Variants in GPM6A observed in about 807,000 individuals in gnomAD.
GPM6A encodes the protein glycoprotein M6A.
Under a neutral mutation model 32.1 loss-of-function variants are expected in GPM6A, and 7 were observed. That is an observed-to-expected ratio of 0.22 (90% CI 0.12 to 0.41). GPM6A has a LOEUF of 0.41. Among genes scored for constraint, GPM6A ranks in the 10% least tolerant of loss-of-function variants. The probability of loss-of-function intolerance (pLI) is 1.00; values close to 1 mark genes in which losing one functional copy is unlikely to be tolerated. For missense variants in GPM6A, 235 were observed against 347.2 expected (o/e 0.68, Z 2.57); for synonymous variants, 130 against 123.4 (o/e 1.05, Z -0.35).
chr4:175,946,744 G>C (rs1227035830), intron 1 of GPM6A, among the ~76,000 whole-genome samples: 1 of 152,200 alleles, frequency 6.6e-6, no homozygotes, highest in East Asian at 1.9e-4. Context: ...GAGGTGGGCA[G>C]AGGACAGACA....
intron 1 of GPM6A, among the ~76,000 whole-genome samples, chr4:175,772,059 T>G (rs1281423840): frequency 6.6e-6 from 1 of 152,188 alleles, no homozygotes; most frequent in African/African-American, 2.4e-5. Flanking sequence ...TCCTGCTCAG[T>G]GCGCATTTGC....
At chr4:176,001,444 A>C (rs1217287966) in intron 1 of GPM6A, among the ~76,000 whole-genome samples, 2 of 152,158 alleles carry the variant, frequency 1.3e-5, no homozygotes, top group Non-Finnish European at 2.9e-5. Context: ...TCGCTCTTCG[A>C]GGTGACTCGT....
At chr4:175,803,958 C>A in intron 1 of GPM6A, among the ~76,000 whole-genome samples, 1 of 148,170 alleles carries the variant, frequency 6.7e-6, no homozygotes. Context: ...ATTCTTTTCA[C>A]TGTAAAATGG....
chr4:175,767,893 A>T (rs1489889234), intron 1 of GPM6A, among the ~76,000 whole-genome samples: 3 of 152,212 alleles, frequency 2.0e-5, no homozygotes, highest in Admixed American at 6.5e-5. Context: ...TATATAGAAG[A>T]TGTCTTAGAT....
At chr4:175,776,395 T>C (rs1733396020) in intron 1 of GPM6A, among the ~76,000 whole-genome samples, 1 of 152,054 alleles carries the variant, frequency 6.6e-6, no homozygotes, top group Non-Finnish European at 1.5e-5. Context: ...AACCTTGACG[T>C]GAGGAACGGA....
intron 1 of GPM6A, among the ~76,000 whole-genome samples, chr4:175,920,791 C>T (rs1406181688): frequency 6.6e-6 from 1 of 150,802 alleles, no homozygotes; most frequent in Non-Finnish European, 1.5e-5. Context: ...GGTGGTGGCT[C>T]ACTTGTGCCA....
At chr4:175,773,605 G>C (rs1733277245) in intron 1 of GPM6A, among the ~76,000 whole-genome samples, 1 of 152,118 alleles carries the variant, frequency 6.6e-6, no homozygotes, top group Admixed American at 6.5e-5. Flanking sequence ...TAGCACACTT[G>C]TGAGAGAAAG....
At chr4:175,670,772 A>G (rs1377289294) in intron 3 of GPM6A, among the ~76,000 whole-genome samples, 1 of 152,166 alleles carries the variant, frequency 6.6e-6, no homozygotes, top group Non-Finnish European at 1.5e-5. Flanking sequence ...GGAAACACAG[A>G]ATGCAGACCA....
At chr4:175,802,917 T>A (rs1269150340) in intron 1 of GPM6A, among the ~76,000 whole-genome samples, 3 of 152,088 alleles carry the variant, frequency 2.0e-5, no homozygotes, top group African/African-American at 7.2e-5. Flanking sequence ...GCTACCAAAC[T>A]ACTGAATATA....
chr4:175,816,882 A>C (rs1176435516), upstream of GPM6A, among the ~76,000 whole-genome samples: 1 of 150,672 alleles, frequency 6.6e-6, no homozygotes, highest in African/African-American at 2.4e-5. Flanking sequence ...TTTTTTTGAG[A>C]CGGAGTCTCG....
chr4:175,724,052 T>C (rs185709502), intron 1 of GPM6A, among the ~76,000 whole-genome samples: 1 of 152,102 alleles, frequency 6.6e-6, no homozygotes, highest in Non-Finnish European at 1.5e-5. Flanking sequence ...AACCAAGATA[T>C]GGGATTAATC....
chr4:175,930,600 C>T (rs1739006273), intron 1 of GPM6A, among the ~76,000 whole-genome samples: 1 of 151,874 alleles, frequency 6.6e-6, no homozygotes, highest in African/African-American at 2.4e-5. Context: ...TGGTGAGGTT[C>T]TTTTGAGCCT....
chr4:175,927,929 G>A (rs1225856948), intron 1 of GPM6A, among the ~76,000 whole-genome samples: 4 of 117,312 alleles, frequency 3.4e-5, no homozygotes, highest in Admixed American at 9.7e-5. Context: ...TCATGCTAAT[G>A]AACCTTCTTT....
intron 2 of GPM6A, among the ~76,000 whole-genome samples, chr4:175,685,438 C>T (rs935805046): frequency 1.5e-4 from 23 of 152,056 alleles, no homozygotes; most frequent in African/African-American, 4.6e-4. Flanking sequence ...CCTTAATTTA[C>T]TTTTTTGGCT....
chr4:175,790,883 T>C (rs912750203), intron 1 of GPM6A, among the ~76,000 whole-genome samples: 1 of 152,190 alleles, frequency 6.6e-6, no homozygotes, highest in African/African-American at 2.4e-5. Flanking sequence ...TTGAAACAAA[T>C]ATTTAAACTA....
chr4:175,729,804 T>C (rs1225708319), intron 1 of GPM6A, among the ~76,000 whole-genome samples: 1 of 147,136 alleles, frequency 6.8e-6, no homozygotes, highest in Non-Finnish European at 1.5e-5. Context: ...TATTATATTA[T>C]ATTATATATT....
chr4:175,950,392 A>G (rs1053229105), intron 1 of GPM6A, among the ~76,000 whole-genome samples: 4 of 152,246 alleles, frequency 2.6e-5, no homozygotes, highest in Admixed American at 6.5e-5. Context: ...TTCCAAGCAC[A>G]TAATATGTTC....
At chr4:175,673,979 T>C in intron 2 of GPM6A, 143 bp from the exon 3 acceptor site, 1 of 572,102 alleles carries the variant, frequency 1.7e-6, no homozygotes, top group Middle Eastern at 4.5e-4. Flanking sequence ...TAAAAACATG[T>C]TTGCTTCATA....
chr4:175,953,857 C>T (rs1739898755), intron 1 of GPM6A, among the ~76,000 whole-genome samples: 1 of 152,138 alleles, frequency 6.6e-6, no homozygotes, highest in Admixed American at 6.5e-5. Context: ...CGAGATCGTG[C>T]CATTGCACTC....
Sources: gnomAD v4.1 joint callset for allele counts (sites outside exome capture counted in the v4.1 genomes callset) on GRCh38, gnomAD v4.1.1 for gene constraint, MANE v1.5 for transcripts, NCBI Gene and HGNC (gene_info 2026-07-23, HGNC 2026-07-21) for gene names.